ZFYVE21: variants seen among roughly 807,000 people sequenced by gnomAD.
ZFYVE21 encodes zinc finger FYVE domain-containing protein 21.
Under a neutral mutation model 29.5 loss-of-function variants are expected in ZFYVE21, and 21 were observed. The ratio of observed to expected loss-of-function variants is 0.71; its 90% CI spans 0.50 to 1.02. The LOEUF is 1.02. ZFYVE21 is among the 50% of genes least tolerant of loss of function. ZFYVE21 has a pLI of 0.00. For synonymous variants in ZFYVE21, 151 were observed against 133.8 expected (o/e 1.13, Z -0.89); for missense variants, 326 against 335.4 (o/e 0.97, Z 0.22).
intron 5 of ZFYVE21, chr14:103,729,851 G>C: frequency 6.5e-7 from 1 of 1,536,128 alleles, no homozygotes; most frequent in Non-Finnish European, 8.7e-7. Context: ...CTGAAGGTCA[G>C]CCTCTTCCTC....
chr14:103,720,766 C>CT (rs2083865808), intron 1 of ZFYVE21, among the ~76,000 whole-genome samples: 1 of 152,084 alleles, frequency 6.6e-6, no homozygotes, highest in African/African-American at 2.4e-5. Context: ...CTGCAGGTCT[C>CT]TAAGGAGCTC....
At chr14:103,724,597 G>A (rs574357993) in intron 1 of ZFYVE21, 1 of 152,264 alleles carries the variant, frequency 6.6e-6, no homozygotes, top group Non-Finnish European at 1.5e-5. Flanking sequence ...TGGAGCGAAG[G>A]TCTTCTCTTA....
At position 103,727,884 on chromosome 14, in the gene ZFYVE21, TACG is replaced by T; in HGVS notation, c.331_333del (p.Asp111del). On this transcript the variant is annotated inframe_deletion, in exon 3 of 7. Transcript: ENST00000311141. ...CGTGTCCCTCAAGGAGGCGGAGTTC[TACG>T]ACAAGCAGCTCAAAGTGCTCCTGAG... The T allele has an allele frequency of 6.2e-7, 1 of 1,612,870 alleles. No individual in the cohort carries two copies. The highest frequency in any genetic ancestry group is 8.5e-7 in the Non-Finnish European group (1 of 1,179,606).
chr14:103,725,898 T>G lies in ZFYVE21; in HGVS notation c.139-894T>G, dbSNP rs151073473. On this transcript the variant is annotated intron_variant, in intron 1 of 6. Transcript: ENST00000311141. ...GCCTGCTGTGACCCCTTGGGGAAAGTGAGCCCCATGGCCACCTGCCCAGTT... is the reference window on the plus strand; with the variant it reads ...GCCTGCTGTGACCCCTTGGGGAAAGGGAGCCCCATGGCCACCTGCCCAGTT... 4.6e-5 allele frequency: 7 copies of G among 152,426 alleles called. No individual in the cohort carries two copies. The East Asian group carries it at 1.3e-3, about 29-fold the overall frequency. The allele number at this position is 152,426 out of a possible 1,614,324, so 9.4% of individuals were successfully genotyped here.
chr14:103,728,864 AAAG>A (rs1286919123), intron 3 of ZFYVE21, 41 bp from the exon 4 acceptor site: 8 of 1,603,724 alleles, frequency 5.0e-6, no homozygotes, highest in Non-Finnish European at 5.1e-6. Flanking sequence ...GTTAGGTGGA[AAAG>A]AAGCAGGCCC....
chr14:103,727,092 C>T (rs932594904), intron 2 of ZFYVE21: 9 of 473,550 alleles, frequency 1.9e-5, no homozygotes, highest in African/African-American at 1.6e-4. Flanking sequence ...ATTACAGGGG[C>T]TTGCCACCAC....
chr14:103,723,001 C>T (rs768542911), intron 1 of ZFYVE21, among the ~76,000 whole-genome samples: 5 of 152,158 alleles, frequency 3.3e-5, no homozygotes, highest in Non-Finnish European at 5.9e-5. Context: ...ACACAAACTG[C>T]ACAGTAAATG....
chr14:103,721,557 C>T (rs1456556117), intron 1 of ZFYVE21, among the ~76,000 whole-genome samples: 1 of 152,220 alleles, frequency 6.6e-6, no homozygotes, highest in Non-Finnish European at 1.5e-5. Context: ...TCCTGGAGAG[C>T]ACTTGGGCCC....
chr14:103,721,706 T>C (rs1401168682), intron 1 of ZFYVE21, among the ~76,000 whole-genome samples: 1 of 152,272 alleles, frequency 6.6e-6, no homozygotes, highest in East Asian at 1.9e-4. Context: ...TTCATCTCTG[T>C]GTGTTTGTCA....
At chr14:103,721,589 G>T (rs1278831020) in intron 1 of ZFYVE21, among the ~76,000 whole-genome samples, 1 of 152,214 alleles carries the variant, frequency 6.6e-6, no homozygotes, top group Non-Finnish European at 1.5e-5. Flanking sequence ...CTAGGGGGCA[G>T]TGTCTGTCAT....
At chr14:103,729,839 C>T (rs1397976241) in intron 5 of ZFYVE21, 10 of 1,536,160 alleles carry the variant, frequency 6.5e-6, no homozygotes, top group Non-Finnish European at 8.7e-6. Context: ...GCCAGCCTGC[C>T]TCTGAAGGTC....
chr14:103,727,556 C>A, intron 2 of ZFYVE21, 190 bp from the exon 3 acceptor site: 1 of 747,076 alleles, frequency 1.3e-6, no homozygotes, highest in Non-Finnish European at 2.3e-6. Context: ...CCTCATTTCC[C>A]AGGTGAGGCG....
chr14:103,717,673 G>A (rs907501910), intron 1 of ZFYVE21, among the ~76,000 whole-genome samples: 3 of 152,266 alleles, frequency 2.0e-5, no homozygotes, highest in Admixed American at 2.0e-4. Context: ...CCTCGTGGAA[G>A]AGAAGATTCA....
intron 1 of ZFYVE21, among the ~76,000 whole-genome samples, chr14:103,717,475 G>C (rs1022805663): frequency 2.0e-5 from 3 of 152,182 alleles, no homozygotes; most frequent in Non-Finnish European, 4.4e-5. Flanking sequence ...CTGATCTTAC[G>C]GTTCTGTTTT....
rs1346027479 is a variant in ZFYVE21 at position 103,715,853 on chromosome 14, G to A, written c.12G>A (p.Glu4=). 2 of 1,421,486 alleles carry A rather than the reference G, an allele frequency of 1.4e-6. No individual in the cohort carries two copies. Among genetic ancestry groups the A allele is most frequent in the Non-Finnish European group, 1.8e-6 (2 of 1,083,084 alleles). 88.1% of individuals were successfully genotyped at this position (1,421,486 alleles called of 1,614,324 possible). A position where few individuals can be genotyped will look rare whatever the true frequency, so the allele number is the denominator to read the frequency against. ...GCTGAGGCGGCGTCATGTCCTCCGAGGTGTCCGCGCGCCGCGACGCCAAGA... is the reference window on the plus strand; with the variant it reads ...GCTGAGGCGGCGTCATGTCCTCCGAAGTGTCCGCGCGCCGCGACGCCAAGA... The part of the protein sequence containing the change: MSS[E]VSARRDAKKL... Residue 4 remains glutamate (E), a synonymous_variant, in exon 1 of 7, where the codon GAG becomes GAA. Transcript: ENST00000311141.
intron 5 of ZFYVE21, chr14:103,729,741 C>T (rs1187477186): frequency 6.5e-7 from 1 of 1,533,026 alleles, no homozygotes; most frequent in African/African-American, 1.4e-5. Flanking sequence ...CGTTCTCTCA[C>T]CGGCTCTTGG....
chr14:103,718,011 G>A (rs932896826), intron 1 of ZFYVE21, among the ~76,000 whole-genome samples: 1 of 152,222 alleles, frequency 6.6e-6, no homozygotes, highest in Non-Finnish European at 1.5e-5. Context: ...GGCATGTGGT[G>A]ATGCTGAAGG....
intron 2 of ZFYVE21, chr14:103,727,134 T>TG (rs1438865294): frequency 5.3e-6 from 2 of 377,704 alleles, no homozygotes; most frequent in African/African-American, 4.3e-5. Flanking sequence ...TTAGTAGAGA[T>TG]GGGGTTTCAC....
intron 3 of ZFYVE21, 73 bp from the exon 4 acceptor site, chr14:103,728,835 A>G (rs558389945): frequency 4.8e-6 from 7 of 1,452,548 alleles, no homozygotes; most frequent in African/African-American, 2.8e-5. Context: ...TGCGTCTCCT[A>G]CTGGTACTCG....
Sources: allele counts gnomAD v4.1 joint callset (sites outside exome capture counted in the v4.1 genomes callset), GRCh38; gene constraint gnomAD v4.1.1; transcripts MANE v1.5; gene names NCBI Gene and HGNC (gene_info 2026-07-23, HGNC 2026-07-21).